NTNG1: variants seen among roughly 807,000 people sequenced by gnomAD.
NTNG1 encodes netrin-G1.
In NTNG1, 16 loss-of-function variants were observed where a neutral mutation model predicts 54.0. The ratio of observed to expected loss-of-function variants is 0.30; its 90% CI spans 0.20 to 0.45. The LOEUF is 0.45. Among genes scored for constraint, NTNG1 ranks in the 20% least tolerant of loss-of-function variants. The pLI is 1.00. For missense variants in NTNG1, 530 were observed against 678.7 expected, an observed-to-expected ratio of 0.78 and a Z score of 2.43; for synonymous variants, 255 against 263.1, an observed-to-expected ratio of 0.97 and a Z score of 0.30.
intron 2 of NTNG1, among the ~76,000 whole-genome samples, chr1:107,149,274 CAAG>C (rs762821867): frequency 1.3e-5 from 2 of 152,038 alleles, no homozygotes; most frequent in Non-Finnish European, 2.9e-5. Context: ...TTCTGTAGTT[CAAG>C]GAGAGACTAG....
intron 3 of NTNG1, among the ~76,000 whole-genome samples, chr1:107,375,935 A>G (rs1671204540): frequency 2.0e-5 from 3 of 152,154 alleles, no homozygotes; most frequent in African/African-American, 7.2e-5. Flanking sequence ...CATTTTGGAG[A>G]AAGACAGAGA....
intron 7 of NTNG1, among the ~76,000 whole-genome samples, chr1:107,460,899 C>A (rs529940905): frequency 6.6e-6 from 1 of 152,122 alleles, no homozygotes; most frequent in African/African-American, 2.4e-5. Flanking sequence ...TAGTTGTCAT[C>A]GGGTCTTAGA....
chr1:107,289,460 T>C (rs978062031), intron 2 of NTNG1, among the ~76,000 whole-genome samples: 8 of 152,190 alleles, frequency 5.3e-5, no homozygotes, highest in African/African-American at 1.7e-4. Flanking sequence ...AACAGACAGA[T>C]ACTTGCCTTG....
At position 107,144,797 on chromosome 1, in the gene NTNG1, G is replaced by A. The variant is rs371003778; in HGVS notation, c.-525-3272G>A. Among the ~76,000 whole-genome samples the A allele has an allele frequency of 9.9e-5, 15 of 152,038 alleles. No individual in the cohort carries two copies. In the South Asian group the frequency reaches 1.5e-3, roughly 15 times the overall value. On this transcript the variant is annotated intron_variant, in intron 1 of 7. Transcript: ENST00000370068. ...TATTGGTTCTGCAAATTTATACACC[G>A]GAGGTCTATGGGGTACTCACAACCT...
At chr1:107,320,283 T>C (rs1332943757) in intron 2 of NTNG1, among the ~76,000 whole-genome samples, 3 of 152,148 alleles carry the variant, frequency 2.0e-5, no homozygotes, top group South Asian at 4.1e-4. Context: ...GATATGTTGC[T>C]TGTGGGACTT....
intron 2 of NTNG1, among the ~76,000 whole-genome samples, chr1:107,155,162 T>TTTTTG (rs1166119228): frequency 6.6e-6 from 1 of 152,010 alleles, no homozygotes; most frequent in Non-Finnish European, 1.5e-5. Flanking sequence ...TTTTCTTTGA[T>TTTTTG]TTTTGTTTTG....
chr1:107,213,759 C>T (rs1481063409), intron 2 of NTNG1, among the ~76,000 whole-genome samples: 1 of 152,000 alleles, frequency 6.6e-6, no homozygotes, highest in Admixed American at 6.6e-5. Flanking sequence ...ATAAATCTGC[C>T]TTTGAAAGTG....
At chr1:107,245,640 A>C (rs768079175) in intron 2 of NTNG1, among the ~76,000 whole-genome samples, 2 of 152,158 alleles carry the variant, frequency 1.3e-5, no homozygotes, top group Non-Finnish European at 2.9e-5. Flanking sequence ...TGAATGATTT[A>C]CAGAACGTTA....
At chr1:107,264,624 T>G (rs1663607136) in intron 2 of NTNG1, among the ~76,000 whole-genome samples, 1 of 152,254 alleles carries the variant, frequency 6.6e-6, no homozygotes, top group Non-Finnish European at 1.5e-5. Flanking sequence ...CTTTATAAAT[T>G]GGCAGTTTTT....
intron 2 of NTNG1, among the ~76,000 whole-genome samples, chr1:107,211,575 T>C (rs1321913086): frequency 6.6e-6 from 1 of 152,096 alleles, no homozygotes; most frequent in African/African-American, 2.4e-5. Context: ...CATTGCAGCA[T>C]GAGGACAAGG....
chr1:107,296,064 C>T (rs923436406), intron 2 of NTNG1, among the ~76,000 whole-genome samples: 3 of 152,120 alleles, frequency 2.0e-5, no homozygotes, highest in Non-Finnish European at 2.9e-5. Context: ...TGGTATTACT[C>T]AGGTTTCATC....
At chr1:107,338,078 A>G (rs1046512304) in intron 3 of NTNG1, among the ~76,000 whole-genome samples, 4 of 152,094 alleles carry the variant, frequency 2.6e-5, no homozygotes, top group African/African-American at 9.6e-5. Context: ...AAAGTGGCCT[A>G]TGTTGGGGAT....
At chr1:107,396,745 C>G (rs949513677) in intron 4 of NTNG1, among the ~76,000 whole-genome samples, 2 of 152,116 alleles carry the variant, frequency 1.3e-5, no homozygotes, top group African/African-American at 4.8e-5. Flanking sequence ...AAAAATGGCT[C>G]AGATTTCCTC....
At chr1:107,278,313 A>G (rs957198834) in intron 2 of NTNG1, among the ~76,000 whole-genome samples, 2 of 152,202 alleles carry the variant, frequency 1.3e-5, no homozygotes, top group African/African-American at 4.8e-5. Context: ...TTTAGCACCT[A>G]TATAAGTATA....
intron 7 of NTNG1, among the ~76,000 whole-genome samples, chr1:107,472,708 C>T (rs1033052136): frequency 8.3e-5 from 11 of 132,312 alleles, no homozygotes; most frequent in Admixed American, 1.5e-4. Context: ...ACCATAAGGT[C>T]GGGGAAGAAA....
intron 3 of NTNG1, among the ~76,000 whole-genome samples, chr1:107,389,155 G>A (rs538187573): frequency 6.6e-6 from 1 of 152,334 alleles, no homozygotes; most frequent in South Asian, 2.1e-4. Context: ...TATTGCTAGG[G>A]TCGTCCTCAG....
rs200163382 is a variant in NTNG1, at chr1:107,148,801, A to G, written c.208A>G (p.Ile70Val). 2 of 1,613,634 alleles carry G rather than the reference A, an allele frequency of 1.2e-6. No homozygotes were observed. Among genetic ancestry groups the G allele is most frequent in the African/African-American group, 1.3e-5 (1 of 74,910 alleles). Residue 70 changes from isoleucine to valine, a missense_variant, in exon 2 of 8, where the codon ATT (isoleucine) becomes GTT (valine). Physicochemically the swap from Ile to Val is conservative, Grantham distance 29 (BLOSUM62 3). Around this residue, in one of 2 missense-constraint regions of NTNG1, gnomAD observed 318 missense variants for 465.1 expected, o/e 0.68. Coordinates refer to ENST00000370068, the MANE Select transcript of NTNG1 (RefSeq NM_001113226.3). ...GAAAGTGAAACTCGATCCTCCGGAT[A>G]TTACCTGTGGAGACCCTCCTGAGAC... ...YLKVKLDPPD[I>V]TCGDPPETFC... is the part of the protein sequence containing the mutation.
intron 7 of NTNG1, among the ~76,000 whole-genome samples, chr1:107,476,621 T>C (rs1265127495): frequency 6.6e-6 from 1 of 152,188 alleles, no homozygotes; most frequent in Non-Finnish European, 1.5e-5. Flanking sequence ...ATAACCTGTC[T>C]CCAAATCTTT....
At chr1:107,304,728 C>CTT (rs201055533) in intron 2 of NTNG1, among the ~76,000 whole-genome samples, 1 of 141,172 alleles carries the variant, frequency 7.1e-6, no homozygotes, top group Non-Finnish European at 1.6e-5. Context: ...TCAGAATGTT[C>CTT]TTTTTTTTTT....
Sources: gnomAD v4.1 joint callset for allele counts (sites outside exome capture counted in the v4.1 genomes callset) on GRCh38, gnomAD v4.1.1 for gene constraint, gnomAD v4.1.1 regional missense constraint, MANE v1.5 for transcripts, NCBI Gene and HGNC (gene_info 2026-07-23, HGNC 2026-07-21) for gene names.